Variants in MID1 observed in about 807,000 individuals in gnomAD.
MID1 encodes the protein E3 ubiquitin-protein ligase Midline-1.
Under a neutral mutation model 40.4 loss-of-function variants are expected in MID1, and 7 were observed. The ratio of observed to expected loss-of-function variants is 0.17; its 90% CI spans 0.10 to 0.33. The LOEUF (loss-of-function observed/expected upper bound fraction) is 0.33, where lower values mean the gene tolerates loss of function less well. Ranked by LOEUF, MID1 falls within the 10% of genes least tolerant of loss-of-function variation. MID1 has a pLI of 1.00. For missense variants in MID1, 367 were observed against 558.5 expected (o/e 0.66, Z 3.46); for synonymous variants, 229 against 221.2 (o/e 1.04, Z -0.31).
At chrX:10,518,231 G>A (rs773331519) in intron 3 of MID1, among the ~76,000 whole-genome samples, 15 of 111,901 alleles carry the variant, frequency 1.3e-4, no homozygotes, top group Non-Finnish European at 3.8e-5. Context: ...AAAGTCCCAC[G>A]AGAGCATATT....
At chrX:10,666,840 C>G (rs763372787) in intron 1 of MID1, among the ~76,000 whole-genome samples, 123 of 111,657 alleles carry the variant, frequency 1.1e-3, no homozygotes, top group Middle Eastern at 4.6e-3. Flanking sequence ...TTCTCTGTTT[C>G]CACTATGGAT....
At chrX:10,824,737 G>A (rs114577069) in intron 1 of MID1, among the ~76,000 whole-genome samples, 4,393 of 111,692 alleles carry the variant, frequency 0.039, 212 homozygotes, top group African/African-American at 0.13. Flanking sequence ...GGCAGGGAAA[G>A]TAGTGGAAAG....
chrX:10,646,549 T>A (rs1455467336), intron 1 of MID1, among the ~76,000 whole-genome samples: 1 of 111,201 alleles, frequency 9.0e-6, no homozygotes, highest in Non-Finnish European at 1.9e-5. Flanking sequence ...GGAAGGAAAT[T>A]TTCGCCTCCA....
intron 1 of MID1, among the ~76,000 whole-genome samples, chrX:10,635,588 C>T (rs922324889): frequency 1.8e-5 from 2 of 111,165 alleles, no homozygotes; most frequent in East Asian, 2.8e-4. Context: ...TTAAATTATA[C>T]CTTTTCCAAT....
chrX:10,677,072 T>G (rs1449013322), intron 1 of MID1, among the ~76,000 whole-genome samples: 2 of 111,899 alleles, frequency 1.8e-5, no homozygotes, highest in Non-Finnish European at 3.8e-5. Flanking sequence ...CCTTGACAAT[T>G]TATAGCAGCT....
intron 1 of MID1, among the ~76,000 whole-genome samples, chrX:10,696,179 A>G (rs1319444011): frequency 8.9e-6 from 1 of 111,763 alleles, no homozygotes; most frequent in Non-Finnish European, 1.9e-5. Flanking sequence ...AAGAGGAAAA[A>G]TGGCAGAATT....
intron 1 of MID1, among the ~76,000 whole-genome samples, chrX:10,607,091 C>T (rs953223906): frequency 1.8e-5 from 2 of 112,121 alleles, no homozygotes; most frequent in Non-Finnish European, 3.8e-5. Flanking sequence ...AGGCTGATAT[C>T]GTTCTCTGTT....
At chrX:10,771,498 G>GT (rs371301188) in intron 1 of MID1, among the ~76,000 whole-genome samples, 409 of 101,307 alleles carry the variant, frequency 4.0e-3, no homozygotes, top group African/African-American at 6.6e-3. Flanking sequence ...ATTTATCTAT[G>GT]TTTTTTTTTT....
chrX:10,681,620 G>A (rs2043061378), intron 1 of MID1, among the ~76,000 whole-genome samples: 1 of 111,493 alleles, frequency 9.0e-6, no homozygotes, highest in African/African-American at 3.3e-5. Flanking sequence ...AAATCACATG[G>A]TGTTACTTCT....
chrX:10,648,748 G>A (rs1257467311), intron 1 of MID1, among the ~76,000 whole-genome samples: 1 of 111,298 alleles, frequency 9.0e-6, no homozygotes, highest in Non-Finnish European at 1.9e-5. Flanking sequence ...CCAGCTTCCC[G>A]TGTTGTTAGG....
intron 1 of MID1, among the ~76,000 whole-genome samples, chrX:10,773,349 T>C (rs1384394135): frequency 1.8e-5 from 2 of 112,330 alleles, no homozygotes; most frequent in East Asian, 2.8e-4. Context: ...ATGTGTGAGT[T>C]TGTGTGTTTC....
intron 1 of MID1, among the ~76,000 whole-genome samples, chrX:10,828,990 C>T (rs1174843793): frequency 2.7e-5 from 3 of 112,084 alleles, no homozygotes; most frequent in African/African-American, 9.7e-5. Flanking sequence ...AATGTCTTGG[C>T]CAAACCCACC....
At chrX:10,474,821 AAG>A (rs2147287720) in intron 5 of MID1, 71 bp from the exon 6 acceptor site, 1 of 1,085,942 alleles carries the variant, frequency 9.2e-7, no homozygotes, top group African/African-American at 1.9e-5. Context: ...AGAAATGAAA[AAG>A]AAAAGGAAAA....
rs920931453 is a variant in MID1 at position 10,681,088 on chromosome X, T to G, written c.-186-60669A>C. On this transcript the variant is annotated intron_variant, in intron 1 of 10. Coordinates refer to the MID1 transcript ENST00000380785. ...ATAATAATAATAATGCTACACACAC[T>G]ATTGTGTTCACAGACGTATATATAT... Among the ~76,000 whole-genome samples the G allele has an allele frequency of 6.5e-5, 7 of 107,678 alleles. No individual in the cohort carries two copies. In the Admixed American group the frequency reaches 7.1e-4, roughly 11 times the overall value. 93.5% of individuals were successfully genotyped at this position (107,678 alleles called of 115,157 possible). A position where few individuals can be genotyped will look rare whatever the true frequency, so the allele number is the denominator to read the frequency against.
chrX:10,754,316 G>GT (rs1210089624), intron 1 of MID1, among the ~76,000 whole-genome samples: 5 of 105,408 alleles, frequency 4.7e-5, no homozygotes, highest in African/African-American at 1.9e-4. Flanking sequence ...TTTGTTTTTT[G>GT]TTTTTTGTTT....
intron 2 of MID1, among the ~76,000 whole-genome samples, chrX:10,557,139 T>C (rs1279249240): frequency 9.0e-6 from 1 of 111,503 alleles, no homozygotes; most frequent in Non-Finnish European, 1.9e-5. Context: ...GCTCCAGGCA[T>C]GAAGTCTGGC....
chrX:10,558,263 T>C, intron 2 of MID1, among the ~76,000 whole-genome samples: 1 of 111,491 alleles, frequency 9.0e-6, no homozygotes, highest in Non-Finnish European at 1.9e-5. Context: ...TGCCTATTCC[T>C]ACCGACAGGT....
At chrX:10,575,387 C>T (rs1934845470) in intron 1 of MID1, among the ~76,000 whole-genome samples, 1 of 111,949 alleles carries the variant, frequency 8.9e-6, no homozygotes, top group African/African-American at 3.2e-5. Context: ...GCAACGGGGA[C>T]CCAACTCAGA....
chrX:10,555,421 C>T (rs1934080534), intron 2 of MID1, among the ~76,000 whole-genome samples: 2 of 111,586 alleles, frequency 1.8e-5, no homozygotes, highest in Admixed American at 9.5e-5. Flanking sequence ...TTATTATTCA[C>T]ATTAAAAATT....
Sources: allele counts gnomAD v4.1 joint callset (sites outside exome capture counted in the v4.1 genomes callset), GRCh38; gene constraint gnomAD v4.1.1; transcripts MANE v1.5; gene names NCBI Gene and HGNC (gene_info 2026-07-23, HGNC 2026-07-21).